NWD2: variants seen among roughly 807,000 people sequenced by gnomAD.
NWD2 encodes the protein NACHT and WD repeat domain containing 2.
In NWD2, 37 loss-of-function variants were observed where a neutral mutation model predicts 132.7. That is an observed-to-expected ratio of 0.28 (90% CI 0.21 to 0.37). The LOEUF (loss-of-function observed/expected upper bound fraction) is 0.37. Among genes scored for constraint, NWD2 ranks in the 10% least tolerant of loss-of-function variants. The probability of loss-of-function intolerance (pLI) is 1.00; values close to 1 mark genes in which losing one functional copy is unlikely to be tolerated. For missense variants in NWD2, 1,592 were observed against 2,122.4 expected (o/e 0.75, Z 4.91); for synonymous variants, 705 against 803.0 (o/e 0.88, Z 2.06).
intron 1 of NWD2, among the ~76,000 whole-genome samples, chr4:37,273,607 T>A (rs1051999061): frequency 6.6e-5 from 10 of 151,864 alleles, no homozygotes; most frequent in African/African-American, 2.4e-4. Context: ...GAACTCTCCA[T>A]CCCAAATCAA....
chr4:37,385,002 T>C (rs1281790745), intron 3 of NWD2, among the ~76,000 whole-genome samples: 3 of 152,176 alleles, frequency 2.0e-5, no homozygotes, highest in African/African-American at 7.2e-5. Context: ...ACAATGTATA[T>C]ATGTATCAAG....
intron 3 of NWD2, among the ~76,000 whole-genome samples, chr4:37,374,527 G>A (rs552987264): frequency 2.0e-5 from 3 of 152,170 alleles, no homozygotes; most frequent in South Asian, 2.1e-4. Flanking sequence ...TGGTTTCTTG[G>A]TATGCAGAAA....
chr4:37,284,433 T>A (rs968461087), intron 1 of NWD2, among the ~76,000 whole-genome samples: 3 of 152,166 alleles, frequency 2.0e-5, no homozygotes, highest in African/African-American at 7.2e-5. Context: ...CATAGAGCTA[T>A]CCCATCCAGA....
chr4:37,443,693 C>A lies in NWD2; in HGVS notation c.1705C>A (p.Leu569Met), dbSNP rs4634233. 384,691 of 1,551,796 alleles carry A rather than the reference C, an allele frequency of 0.25. 50,424 individuals carry two copies. Among genetic ancestry groups the A allele is most frequent in the Non-Finnish European group, 0.28 (316,386 of 1,146,968 alleles). ...LIHEEDNYIE[L>M]IPRDRKMCSQ... ...CCATGAAGAAGACAACTACATCGAG[C>A]TGATTCCCCGAGACAGGAAGATGTG... The change falls in exon 7 of 7, where the codon CTG becomes ATG. Residue 569 changes from leucine (L) to methionine (M), a missense_variant. Leu to Met is a conservative substitution (Grantham distance 15). This residue lies in a region of NWD2 where 1,071 missense variants were observed against 1,398.0 expected (regional missense o/e 0.77). Coordinates refer to ENST00000309447, the MANE Select transcript of NWD2 (RefSeq NM_001144990.2). The surrounding 1 kb of genome is among the most constrained non-coding windows in gnomAD (Gnocchi z 4.1).
In NWD2 at chr4:37,325,958, G is replaced by A. The variant is rs1037563874; in HGVS notation, c.174G>A (p.Ala58=). ...CAGATACGGGAGCAGAAAGACAGGCGCTAAGAGAAAATGTATATCCTAAAC... is the reference window on the plus strand; with the variant it reads ...CAGATACGGGAGCAGAAAGACAGGCACTAAGAGAAAATGTATATCCTAAAC... ...NPEDTGAERQ[A]LRENVYPKLR... Residue 58 remains alanine, a synonymous_variant, in exon 2 of 7, where the codon GCG becomes GCA. Coordinates refer to ENST00000309447, the MANE Select transcript of NWD2 (RefSeq NM_001144990.2). The A allele has an allele frequency of 1.5e-5, 23 of 1,547,312 alleles. No homozygotes were observed. Among genetic ancestry groups the A allele is most frequent in the African/African-American group, 9.6e-5 (7 of 72,842 alleles).
rs568109273 is a variant in NWD2 at position 37,289,474 on chromosome 4, C to A, written c.152-36462C>A. Among the ~76,000 whole-genome samples, 5 of 152,168 alleles carry A rather than the reference C, an allele frequency of 3.3e-5. No individual in the cohort carries two copies. The South Asian group carries it at 1.0e-3, about 32-fold the overall frequency. On this transcript the variant is annotated intron_variant, in intron 1 of 6. Transcript: ENST00000309447. ...TTATATACTTACCCCCAAGATTCTA[C>A]AATTAACATTTTACATATTGCCATA...
chr4:37,345,049 T>A (rs1224721591), intron 2 of NWD2, among the ~76,000 whole-genome samples: 1 of 152,244 alleles, frequency 6.6e-6, no homozygotes, highest in African/African-American at 2.4e-5. Flanking sequence ...ATGTATTTCA[T>A]TGCATTACTT....
chr4:37,389,337 TCTC>T (rs201268272), intron 3 of NWD2, among the ~76,000 whole-genome samples: 2,155 of 152,284 alleles, frequency 0.014, 37 homozygotes, highest in Non-Finnish European at 0.02. Flanking sequence ...AATCCAATCT[TCTC>T]CTCTTTTGTA....
chr4:37,440,349 C>T (rs1199365055), intron 6 of NWD2, among the ~76,000 whole-genome samples: 2 of 152,196 alleles, frequency 1.3e-5, no homozygotes, highest in Non-Finnish European at 2.9e-5. Context: ...GGGAAACACT[C>T]AGGTATTGTT....
At chr4:37,295,583 T>G (rs1718473926) in intron 1 of NWD2, among the ~76,000 whole-genome samples, 1 of 152,200 alleles carries the variant, frequency 6.6e-6, no homozygotes, top group Non-Finnish European at 1.5e-5. Context: ...ATTTGTCTTA[T>G]AGGTTAGGCA....
At chr4:37,336,402 A>G (rs533254231) in intron 2 of NWD2, among the ~76,000 whole-genome samples, 1 of 152,086 alleles carries the variant, frequency 6.6e-6, no homozygotes, top group Admixed American at 6.5e-5. Flanking sequence ...GGACTGGCCA[A>G]TTTTCAGGTG....
intron 2 of NWD2, among the ~76,000 whole-genome samples, chr4:37,331,595 T>C (rs1451112587): frequency 2.0e-5 from 3 of 152,198 alleles, no homozygotes; most frequent in Non-Finnish European, 2.9e-5. Context: ...TCATCCTGTG[T>C]AAATGTCATA....
At chr4:37,358,852 G>A (rs868804597) in intron 3 of NWD2, among the ~76,000 whole-genome samples, 1 of 151,956 alleles carries the variant, frequency 6.6e-6, no homozygotes, top group African/African-American at 2.4e-5. Flanking sequence ...CCCCAAAAAA[G>A]TTTTTATCAA....
At chr4:37,360,413 A>G (rs1331334669) in intron 3 of NWD2, among the ~76,000 whole-genome samples, 1 of 152,248 alleles carries the variant, frequency 6.6e-6, no homozygotes, top group Non-Finnish European at 1.5e-5. Flanking sequence ...AAAGGATTTT[A>G]ATTCATTCTT....
chr4:37,300,968 G>T (rs1469530105), intron 1 of NWD2, among the ~76,000 whole-genome samples: 2 of 152,054 alleles, frequency 1.3e-5, no homozygotes, highest in African/African-American at 4.8e-5. Flanking sequence ...CACACTACCA[G>T]TTTTTGCATT....
At chr4:37,396,975 G>A (rs1275720484) in intron 3 of NWD2, among the ~76,000 whole-genome samples, 1 of 152,002 alleles carries the variant, frequency 6.6e-6, no homozygotes, top group Non-Finnish European at 1.5e-5. Flanking sequence ...GGAGGTTGCA[G>A]TGAGCCAAGA....
At chr4:37,339,049 T>C (rs10001618) in intron 2 of NWD2, among the ~76,000 whole-genome samples, 7,563 of 152,260 alleles carry the variant, frequency 0.05, 295 homozygotes, top group East Asian at 0.12. Context: ...TCTCTTTGTT[T>C]AGTCACACAT....
intron 3 of NWD2, among the ~76,000 whole-genome samples, chr4:37,422,971 T>C (rs753471764): frequency 3.4e-5 from 5 of 148,682 alleles, no homozygotes; most frequent in Non-Finnish European, 4.5e-5. Context: ...TGTGTACACA[T>C]TGTAGGAAAT....
At chr4:37,400,213 A>G (rs1480228524) in intron 3 of NWD2, among the ~76,000 whole-genome samples, 1 of 152,192 alleles carries the variant, frequency 6.6e-6, no homozygotes, top group South Asian at 2.1e-4. Flanking sequence ...GTGTGTTGCT[A>G]TCTGTCCTAT....
Sources: allele counts gnomAD v4.1 joint callset (sites outside exome capture counted in the v4.1 genomes callset), GRCh38; gene constraint gnomAD v4.1.1; regional missense constraint gnomAD v4.1.1; non-coding constraint Gnocchi (gnomAD v3.1); transcripts MANE v1.5; gene names NCBI Gene and HGNC (gene_info 2026-07-23, HGNC 2026-07-21).